Variants in PAPSS2 observed in about 807,000 individuals in gnomAD.
The protein encoded by PAPSS2 is 3'-phosphoadenosine 5'-phosphosulfate synthase 2.
PAPSS2 carries 61 observed loss-of-function variants against 66.5 expected under a neutral mutation model. The observed-to-expected ratio is 0.92, with a 90% CI of 0.75 to 1.14. PAPSS2 has a LOEUF of 1.14. Ranked by LOEUF, PAPSS2 falls within the 50% of genes most tolerant of loss-of-function variation. The probability of loss-of-function intolerance (pLI) is 0.00; values close to 1 mark genes in which losing one functional copy is unlikely to be tolerated. For synonymous variants in PAPSS2, 289 were observed against 287.5 expected (o/e 1.01, Z -0.05); for missense variants, 708 against 789.6 (o/e 0.90, Z 1.24).
chr10:87,682,008 G>T (rs1456255651), intron 1 of PAPSS2, among the ~76,000 whole-genome samples: 1 of 152,188 alleles, frequency 6.6e-6, no homozygotes, highest in Non-Finnish European at 1.5e-5. Context: ...AAGAATTTTT[G>T]AAGCGTGGCT....
intron 11 of PAPSS2, 142 bp downstream of exon 11, chr10:87,743,783 C>A: frequency 3.0e-6 from 3 of 1,008,634 alleles, no homozygotes; most frequent in Non-Finnish European, 4.5e-6. Flanking sequence ...CTTTATCTAG[C>A]TTAATTATGT....
chr10:87,708,805 T>TA (rs1853426271), intron 1 of PAPSS2, among the ~76,000 whole-genome samples: 1 of 152,252 alleles, frequency 6.6e-6, no homozygotes, highest in African/African-American at 2.4e-5. Context: ...ACTATTAATG[T>TA]AATATGCAAT....
intron 12 of PAPSS2, among the ~76,000 whole-genome samples, chr10:87,745,468 T>C (rs1400825422): frequency 1.3e-5 from 2 of 152,206 alleles, no homozygotes; most frequent in Non-Finnish European, 2.9e-5. Flanking sequence ...TTCTTGAGCA[T>C]GCACAGAGTG....
intron 9 of PAPSS2, among the ~76,000 whole-genome samples, chr10:87,729,230 T>G (rs1196981595): frequency 1.7e-5 from 2 of 117,244 alleles, no homozygotes; most frequent in African/African-American, 6.9e-5. Context: ...ATTTTGCTTT[T>G]CTTTTCTTTT....
intron 8 of PAPSS2, among the ~76,000 whole-genome samples, chr10:87,724,118 GT>G: frequency 6.6e-6 from 1 of 152,012 alleles, no homozygotes; most frequent in Non-Finnish European, 1.5e-5. Flanking sequence ...GAGGAACACC[GT>G]TTTGTACATT....
chr10:87,663,484 T>C (rs1852780324), intron 1 of PAPSS2, among the ~76,000 whole-genome samples: 1 of 152,094 alleles, frequency 6.6e-6, no homozygotes. Flanking sequence ...GAGCAACTAC[T>C]GGAAGGAGGG....
At chr10:87,669,191 T>G (rs1260141927) in intron 1 of PAPSS2, among the ~76,000 whole-genome samples, 1 of 152,194 alleles carries the variant, frequency 6.6e-6, no homozygotes, top group Non-Finnish European at 1.5e-5. Flanking sequence ...TTTAATTGTT[T>G]TATTAAAAAA....
chr10:87,714,049 T>C lies in PAPSS2; in HGVS notation c.387T>C (p.Arg129=). 6.2e-7 allele frequency: 1 copy of C among 1,613,928 alleles called. No individual in the cohort carries two copies. The highest frequency in any genetic ancestry group is 1.7e-4 in the Middle Eastern group (1 of 6,056). ...TSFISPFAKD[R]ENARKIHESA... ...TTAATCATATTGCTTTTCAGGATCG[T>C]GAGAATGCCCGCAAAATACATGAAT... The change falls in exon 4 of 13, where the codon CGT becomes CGC. Residue 129 remains arginine (R), a synonymous_variant. Coordinates refer to ENST00000456849, the MANE Select transcript of PAPSS2 (RefSeq NM_001015880.2).
At chr10:87,734,920 T>A (rs950239520) in intron 9 of PAPSS2, among the ~76,000 whole-genome samples, 2 of 151,786 alleles carry the variant, frequency 1.3e-5, no homozygotes, top group African/African-American at 2.4e-5. Flanking sequence ...ATCTCCAGAT[T>A]GTTTCTTTTG....
At chr10:87,713,823 C>G (rs1853498929) in intron 3 of PAPSS2, among the ~76,000 whole-genome samples, 1 of 152,144 alleles carries the variant, frequency 6.6e-6, no homozygotes, top group Non-Finnish European at 1.5e-5. Flanking sequence ...ATGGCCAGTG[C>G]TTTCCTGCTA....
intron 1 of PAPSS2, among the ~76,000 whole-genome samples, chr10:87,687,718 G>T (rs1407732585): frequency 6.6e-6 from 1 of 152,054 alleles, no homozygotes; most frequent in African/African-American, 2.4e-5. Context: ...TTGAGGTGAT[G>T]GAATGCTTAC....
chr10:87,679,824 G>A (rs763404957), intron 1 of PAPSS2, among the ~76,000 whole-genome samples: 1 of 151,900 alleles, frequency 6.6e-6, no homozygotes, highest in African/African-American at 2.4e-5. Context: ...CCAGGGGTTC[G>A]AGACCAGCCT....
At chr10:87,663,853 G>A (rs1033688624) in intron 1 of PAPSS2, among the ~76,000 whole-genome samples, 6 of 152,152 alleles carry the variant, frequency 3.9e-5, no homozygotes, top group South Asian at 2.1e-4. Flanking sequence ...TACTGTCATG[G>A]TTTGGCATAC....
At chr10:87,732,199 G>A (rs1002818477) in intron 9 of PAPSS2, among the ~76,000 whole-genome samples, 4 of 152,122 alleles carry the variant, frequency 2.6e-5, no homozygotes, top group South Asian at 2.1e-4. Context: ...CTCTCTGAAG[G>A]CTCAGAGGAT....
intron 1 of PAPSS2, among the ~76,000 whole-genome samples, chr10:87,679,431 A>C (rs563568876): frequency 6.6e-6 from 1 of 152,332 alleles, no homozygotes; most frequent in African/African-American, 2.4e-5. Flanking sequence ...GGAAGTGAGG[A>C]CTGGAATTGT....
At chr10:87,723,766 T>C (rs1471618315) in intron 8 of PAPSS2, among the ~76,000 whole-genome samples, 2 of 152,158 alleles carry the variant, frequency 1.3e-5, no homozygotes, top group Admixed American at 1.3e-4. Context: ...GAAAGTTTAG[T>C]TTCATAACTA....
intron 1 of PAPSS2, among the ~76,000 whole-genome samples, chr10:87,701,423 TCTCTCTC>T (rs1853314939): frequency 1.5e-5 from 2 of 130,026 alleles, no homozygotes; most frequent in East Asian, 2.4e-4. Flanking sequence ...TCTCTCTCTC[TCTCTCTC>T]TCTTTCTTTC....
chr10:87,709,907 C>T (rs1235153569), intron 2 of PAPSS2, among the ~76,000 whole-genome samples: 2 of 152,142 alleles, frequency 1.3e-5, no homozygotes, highest in African/African-American at 4.8e-5. Flanking sequence ...AATGACTCTC[C>T]CTTTTCTTGT....
chr10:87,660,301 A>G lies in PAPSS2; in HGVS notation c.27+293A>G, dbSNP rs143716379. 5.8e-3 allele frequency: 3,273 copies of G among 568,880 alleles called. 89 individuals are homozygous for G. The highest frequency in any genetic ancestry group is 0.056 in the African/African-American group (2,956 of 53,074). 35.2% of individuals were successfully genotyped at this position (568,880 alleles called of 1,614,324 possible). A position where few individuals can be genotyped will look rare whatever the true frequency, so the allele number is the denominator to read the frequency against. On this transcript the variant is annotated intron_variant, in intron 1 of 12. Coordinates refer to ENST00000456849, the MANE Select transcript of PAPSS2 (RefSeq NM_001015880.2). Reference sequence around the variant, plus strand: ...CTCAAGTGGGTCCGGATCTAGATCCAGGACCAGGGACAGGAAATCCCCTTT... The same window carrying G: ...CTCAAGTGGGTCCGGATCTAGATCCGGGACCAGGGACAGGAAATCCCCTTT...
Sources: allele counts gnomAD v4.1 joint callset (sites outside exome capture counted in the v4.1 genomes callset), GRCh38; gene constraint gnomAD v4.1.1; transcripts MANE v1.5; gene names NCBI Gene and HGNC (gene_info 2026-07-23, HGNC 2026-07-21).